BLTP1: variants seen among roughly 807,000 people sequenced by gnomAD.
BLTP1 encodes the protein fragile site-associated protein.
chr4:122,256,233 T>C, the BLTP1 span: 1 of 933,284 alleles, frequency 1.1e-6, no homozygotes, highest in African/African-American at 1.8e-5. Context: ...CTCTAGTAAG[T>C]GTTGGATTTG....
chr4:122,225,139 C>T, the BLTP1 span: 11 of 501,420 alleles, frequency 2.2e-5, no homozygotes, highest in South Asian at 7.8e-5. Flanking sequence ...AGGTTCTTTG[C>T]TTGTCATGTC....
At chr4:122,263,253 C>T in the BLTP1 span, 1 of 984,320 alleles carries the variant, frequency 1.0e-6, no homozygotes, top group Non-Finnish European at 1.2e-6. Flanking sequence ...ATAGAATTTC[C>T]CCTGTTATAA....
chr4:122,197,178 A>G, the BLTP1 span: 5 of 1,003,452 alleles, frequency 5.0e-6, no homozygotes, highest in Non-Finnish European at 7.3e-6. Flanking sequence ...ATATGAATTA[A>G]TTTTTTTCTT....
At chr4:122,276,458 A>T in the BLTP1 span, 12 of 980,014 alleles carry the variant, frequency 1.2e-5, no homozygotes, top group Non-Finnish European at 1.5e-5. Flanking sequence ...TAAGATGGGG[A>T]GAGTTGACTA....
the BLTP1 span, chr4:122,210,085 T>A: frequency 1.1e-6 from 1 of 904,732 alleles, no homozygotes; most frequent in Admixed American, 6.2e-5. Context: ...TTTGAGCATT[T>A]ACTTTGTGTC....
the BLTP1 span, chr4:122,349,779 C>T: frequency 9.8e-4 from 1,527 of 1,565,202 alleles, 20 homozygotes; most frequent in African/African-American, 0.018. The surrounding 1 kb of genome is among the most constrained non-coding windows in gnomAD (Gnocchi z 4.5). Context: ...AAAAGCTGGG[C>T]GGGGGAAGAA....
chr4:122,237,686 A>G, the BLTP1 span: 8 of 684,044 alleles, frequency 1.2e-5, no homozygotes, highest in Non-Finnish European at 1.4e-5. Context: ...CGTTTAACAA[A>G]TTGCTATATG....
chr4:122,290,898 A>T, the BLTP1 span: 1 of 183,014 alleles, frequency 5.5e-6, no homozygotes, highest in Non-Finnish European at 1.0e-5. Context: ...TATTATATAT[A>T]ATATATAATT....
the BLTP1 span, among the ~76,000 whole-genome samples, chr4:122,322,968 A>AT: frequency 9.2e-4 from 140 of 151,620 alleles, 2 homozygotes; most frequent in African/African-American, 3.1e-3. Context: ...TCCTGAGGGG[A>AT]TTTTTTTCCC....
the BLTP1 span, chr4:122,170,325 A>AG: frequency 3.1e-6 from 3 of 962,838 alleles, no homozygotes; most frequent in Non-Finnish European, 3.7e-6. Context: ...AAAAAAAAAA[A>AG]AAAGAATAAT....
the BLTP1 span, among the ~76,000 whole-genome samples, chr4:122,332,523 T>C: frequency 6.6e-6 from 1 of 151,958 alleles, no homozygotes; most frequent in Non-Finnish European, 1.5e-5. Flanking sequence ...TTTACATCAC[T>C]CATGCAAGGC....
At chr4:122,176,273 A>G in the BLTP1 span, among the ~76,000 whole-genome samples, 3 of 152,072 alleles carry the variant, frequency 2.0e-5, no homozygotes, top group African/African-American at 7.2e-5. Context: ...ACTGCACTCC[A>G]GCCTGGGCAA....
the BLTP1 span, chr4:122,356,004 C>T: frequency 1.3e-6 from 2 of 1,556,682 alleles, no homozygotes; most frequent in Non-Finnish European, 1.7e-6. Flanking sequence ...TGTAGAAAAA[C>T]AATTTAAAGT....
the BLTP1 span, among the ~76,000 whole-genome samples, chr4:122,282,759 A>C: frequency 6.6e-6 from 1 of 152,188 alleles, no homozygotes; most frequent in African/African-American, 2.4e-5. Flanking sequence ...TAAATGATTT[A>C]AAGTTTGCTT....
At chr4:122,224,864 G>A in the BLTP1 span, 2 of 1,495,792 alleles carry the variant, frequency 1.3e-6, no homozygotes, top group South Asian at 2.6e-5. Flanking sequence ...TGACTTTTCT[G>A]AGCCACATAT....
the BLTP1 span, chr4:122,207,660 A>G: frequency 2.0e-6 from 3 of 1,511,750 alleles, no homozygotes; most frequent in African/African-American, 2.8e-5. Flanking sequence ...TGAATGCATT[A>G]TTTATTCCAC....
At chr4:122,174,876 TC>T in the BLTP1 span, 1 of 274,118 alleles carries the variant, frequency 3.6e-6, no homozygotes, top group Non-Finnish European at 5.6e-6. Flanking sequence ...AAATGAATAA[TC>T]TTTCATTTCT....
At chr4:122,269,812 G>T in the BLTP1 span, 4 of 397,750 alleles carry the variant, frequency 1.0e-5, no homozygotes, top group African/African-American at 2.2e-5. Flanking sequence ...TTGTCTCTTT[G>T]CTGTCTCTAG....
the BLTP1 span, among the ~76,000 whole-genome samples, chr4:122,176,905 A>G: frequency 6.6e-6 from 1 of 152,204 alleles, no homozygotes; most frequent in Non-Finnish European, 1.5e-5. Context: ...TTTAAATCTT[A>G]AACAGACTCT....
Sources: gnomAD v4.1 joint callset for allele counts (sites outside exome capture counted in the v4.1 genomes callset) on GRCh38, gnomAD v4.1.1 for gene constraint, Gnocchi (gnomAD v3.1) non-coding constraint, MANE v1.5 for transcripts, NCBI Gene and HGNC (gene_info 2026-07-23, HGNC 2026-07-21) for gene names.